Variants in PRH1 observed in about 807,000 individuals in gnomAD.
PRH1 encodes salivary acidic proline-rich phosphoprotein 1/2.
PRH1 carries 7 observed loss-of-function variants against 7.9 expected under a neutral mutation model. The observed-to-expected ratio is 0.89, with a 90% CI of 0.50 to 1.67. The LOEUF (loss-of-function observed/expected upper bound fraction) is 1.67, where lower values mean the gene tolerates loss of function less well. Ranked by LOEUF, PRH1 falls within the 40% of genes most tolerant of loss-of-function variation. The probability of loss-of-function intolerance (pLI) is 0.00; values close to 1 mark genes in which losing one functional copy is unlikely to be tolerated. For synonymous variants in PRH1, 45 were observed against 80.8 expected (o/e 0.56, Z 2.38); for missense variants, 109 against 223.6 (o/e 0.49, Z 3.27).
intron 2 of PRH1, among the ~76,000 whole-genome samples, chr12:10,921,221 G>A (rs528520589): frequency 1.9e-4 from 29 of 151,920 alleles, no homozygotes; most frequent in Middle Eastern, 3.4e-3. Context: ...AAACATTTAG[G>A]TTCACTGAAG....
intron 1 of PRH1, among the ~76,000 whole-genome samples, chr12:11,008,919 C>T (rs1393222565): frequency 3.3e-5 from 5 of 151,830 alleles, no homozygotes; most frequent in African/African-American, 1.2e-4. Context: ...ACAAATTCTG[C>T]CCACAGACAT....
chr12:11,021,226 T>C (rs564860568), intron 1 of PRH1, among the ~76,000 whole-genome samples: 16 of 152,292 alleles, frequency 1.1e-4, no homozygotes, highest in African/African-American at 3.8e-4. Context: ...TTATCATTGA[T>C]TTAAAATTGA....
At chr12:10,935,694 T>C (rs931259059) in intron 2 of PRH1, among the ~76,000 whole-genome samples, 11 of 152,182 alleles carry the variant, frequency 7.2e-5, no homozygotes, top group Non-Finnish European at 1.5e-4. Context: ...AGTAAGTAAG[T>C]ATAGGTTTGC....
At chr12:11,018,733 T>C (rs1020222205) in intron 1 of PRH1, among the ~76,000 whole-genome samples, 1 of 152,182 alleles carries the variant, frequency 6.6e-6, no homozygotes. Flanking sequence ...GTTGTAAAAG[T>C]GGCCACGTGG....
chr12:10,963,080 C>A (rs1417654033), intron 2 of PRH1, among the ~76,000 whole-genome samples: 1 of 152,136 alleles, frequency 6.6e-6, no homozygotes, highest in Non-Finnish European at 1.5e-5. Context: ...AGGGTCTCTG[C>A]TTTTATGGTG....
intron 2 of PRH1, among the ~76,000 whole-genome samples, chr12:10,959,073 G>A (rs1223605108): frequency 6.6e-5 from 10 of 152,164 alleles, no homozygotes; most frequent in African/African-American, 2.2e-4. Flanking sequence ...GTGATGACAA[G>A]GGATTGGATT....
chr12:11,131,670 C>G (rs1325131852), intron 1 of PRH1, among the ~76,000 whole-genome samples: 5 of 69,558 alleles, frequency 7.2e-5, no homozygotes, highest in Non-Finnish European at 2.0e-4. Flanking sequence ...GTCGCCAATT[C>G]AGACACCTGA....
chr12:11,013,484 G>C (rs1941153151), intron 1 of PRH1, among the ~76,000 whole-genome samples: 1 of 152,006 alleles, frequency 6.6e-6, no homozygotes, highest in Admixed American at 6.6e-5. Flanking sequence ...AATGTAAAAA[G>C]TGAGATTAGT....
At chr12:10,970,714 G>A (rs945670899) in intron 2 of PRH1, among the ~76,000 whole-genome samples, 4 of 151,856 alleles carry the variant, frequency 2.6e-5, no homozygotes, top group Non-Finnish European at 5.9e-5. Flanking sequence ...ACAGGAGCCC[G>A]CCACCACAAT....
At chr12:11,003,624 T>C (rs1399359439) in intron 1 of PRH1, among the ~76,000 whole-genome samples, 2 of 151,988 alleles carry the variant, frequency 1.3e-5, no homozygotes, top group Admixed American at 6.6e-5. Context: ...TGAGAAGTTA[T>C]AATTTCTTTT....
chr12:10,930,530 G>A lies in PRH1; in HGVS notation c.-59+43125C>T, dbSNP rs1159291815. 41 of 1,511,410 alleles carry A rather than the reference G, an allele frequency of 2.7e-5. No homozygotes were observed. In the East Asian group the frequency reaches 9.0e-4, roughly 33 times the overall value. 93.6% of individuals were successfully genotyped at this position (1,511,410 alleles called of 1,614,324 possible). A position where few individuals can be genotyped will look rare whatever the true frequency, so the allele number is the denominator to read the frequency against. ...GAGGAGTTCTAATTAGGAAGCCTTG[G>A]GAAGGGGGGAGGTTGGGAGTTGAGA... On this transcript the variant is annotated intron_variant, in intron 2 of 3. Coordinates refer to the PRH1 transcript ENST00000539853.
Position 11,022,414 on chromosome 12 carries a change from A to G in PRH1, c.-126+24606T>C, listed in dbSNP as rs1254803421. ...GACCCAGAGTAAACCAATTCTGGAG[A>G]CCACCAGAGCAGTGAGAATTTGCTC... On this transcript the variant is annotated intron_variant, in intron 1 of 3. Coordinates refer to the PRH1 transcript ENST00000539853. 3 of 1,611,448 alleles carry G rather than the reference A, an allele frequency of 1.9e-6. No individual in the cohort carries two copies. In the Admixed American group the frequency reaches 5.0e-5, roughly 27 times the overall value.
chr12:11,126,396 T>C (rs1305803822), intron 1 of PRH1, among the ~76,000 whole-genome samples: 3 of 151,502 alleles, frequency 2.0e-5, no homozygotes, highest in African/African-American at 7.3e-5. Flanking sequence ...CGTATCTATG[T>C]AGTGCAAATT....
chr12:11,153,696 T>G (rs1408902430), intron 1 of PRH1, among the ~76,000 whole-genome samples: 1 of 152,134 alleles, frequency 6.6e-6, no homozygotes, highest in South Asian at 2.1e-4. Context: ...TTTAAATATA[T>G]GATAACACTC....
At chr12:11,068,357 T>C (rs1943913790) in intron 1 of PRH1, among the ~76,000 whole-genome samples, 1 of 152,238 alleles carries the variant, frequency 6.6e-6, no homozygotes, top group Non-Finnish European at 1.5e-5. Context: ...TTTTCCATCT[T>C]GATAATTCCT....
chr12:10,919,400 T>G (rs1179683191), intron 2 of PRH1, among the ~76,000 whole-genome samples: 9 of 152,198 alleles, frequency 5.9e-5, no homozygotes, highest in African/African-American at 2.2e-4. Context: ...GACATGTAAC[T>G]ATTTGTTGGA....
intron 1 of PRH1, among the ~76,000 whole-genome samples, chr12:11,147,046 A>C (rs1946882835): frequency 6.6e-6 from 1 of 152,086 alleles, no homozygotes; most frequent in African/African-American, 2.4e-5. Flanking sequence ...CCGAACTGTT[A>C]ATTTTCTATA....
chr12:11,008,264 G>A (rs980553415), intron 1 of PRH1, among the ~76,000 whole-genome samples: 5 of 151,944 alleles, frequency 3.3e-5, no homozygotes, highest in Admixed American at 2.0e-4. Flanking sequence ...CCCTTAGTAC[G>A]TAATGAGAAG....
chr12:10,960,226 A>G (rs1298626832), intron 2 of PRH1, among the ~76,000 whole-genome samples: 2 of 152,242 alleles, frequency 1.3e-5, no homozygotes, highest in Non-Finnish European at 2.9e-5. Context: ...ATGACAAATC[A>G]AAGACCCTCA....
Sources: gnomAD v4.1 joint callset for allele counts (sites outside exome capture counted in the v4.1 genomes callset) on GRCh38, gnomAD v4.1.1 for gene constraint, MANE v1.5 for transcripts, NCBI Gene and HGNC (gene_info 2026-07-23, HGNC 2026-07-21) for gene names.